Variants in STAG1 observed in about 807,000 individuals in gnomAD.
STAG1 encodes cohesin subunit SA-1.
STAG1 carries 26 observed loss-of-function variants against 170.9 expected under a neutral mutation model. That is an observed-to-expected ratio of 0.15 (90% CI 0.11 to 0.21). STAG1 has a LOEUF of 0.21. Ranked by LOEUF, STAG1 falls within the 10% of genes least tolerant of loss-of-function variation. The pLI is 1.00. For synonymous variants in STAG1, 514 were observed against 497.7 expected (o/e 1.03, Z -0.44); for missense variants, 964 against 1,509.5 (o/e 0.64, Z 5.99).
chr3:136,435,446 T>A (rs2088431659), intron 15 of STAG1, among the ~76,000 whole-genome samples: 1 of 152,194 alleles, frequency 6.6e-6, no homozygotes, highest in South Asian at 2.1e-4. Context: ...CTTTTCAGCA[T>A]AAGCTTAGAA....
chr3:136,361,246 A>T (rs886371021), intron 26 of STAG1, among the ~76,000 whole-genome samples: 5 of 152,160 alleles, frequency 3.3e-5, no homozygotes, highest in Admixed American at 6.5e-5. Context: ...TTGTCCTGAA[A>T]CTTGCTATTT....
chr3:136,742,212 C>T (rs1206556593), intron 1 of STAG1, among the ~76,000 whole-genome samples: 2 of 152,126 alleles, frequency 1.3e-5, no homozygotes, highest in Non-Finnish European at 2.9e-5. Context: ...ACACCTTAAC[C>T]TAATTGATAG....
intron 29 of STAG1, 29 bp from the exon 30 acceptor site, chr3:136,344,035 T>C: frequency 6.6e-7 from 1 of 1,511,904 alleles, no homozygotes; most frequent in Non-Finnish European, 8.9e-7. Flanking sequence ...GGTCACACAA[T>C]GTCGTGGGTG....
intron 23 of STAG1, among the ~76,000 whole-genome samples, chr3:136,370,361 T>A (rs1475626950): frequency 6.6e-6 from 1 of 152,008 alleles, no homozygotes; most frequent in Non-Finnish European, 1.5e-5. Context: ...TTAATTTTAT[T>A]ATTATATTAT....
At chr3:136,664,897 T>A (rs1419532498) in intron 1 of STAG1, among the ~76,000 whole-genome samples, 2 of 152,198 alleles carry the variant, frequency 1.3e-5, no homozygotes, top group Admixed American at 1.3e-4. Context: ...GAAAAGATAT[T>A]TTTTTAAAAA....
chr3:136,660,814 A>T (rs542483419), intron 1 of STAG1, among the ~76,000 whole-genome samples: 80 of 152,176 alleles, frequency 5.3e-4, no homozygotes, highest in Admixed American at 4.1e-3. Context: ...AAAAAAAAAT[A>T]AAAAATTAGC....
chr3:136,345,455 G>GTTTTTTTTTTTTTTTTTTTTTTTTTTTT, intron 29 of STAG1, among the ~76,000 whole-genome samples: 1 of 99,276 alleles, frequency 1.0e-5, no homozygotes, highest in Non-Finnish European at 2.0e-5. Context: ...TTACCTAGTT[G>GTTTTTTTTTTTTTTTTTTTTTTTTTTTT]TTTTTTTTTT....
intron 1 of STAG1, among the ~76,000 whole-genome samples, chr3:136,723,566 T>C (rs1453915947): frequency 6.9e-6 from 1 of 144,450 alleles, no homozygotes; most frequent in Non-Finnish European, 1.5e-5. Flanking sequence ...GAAGTGGGGG[T>C]CAGCCCCCGC....
At chr3:136,430,643 A>G (rs1191216441) in intron 16 of STAG1, among the ~76,000 whole-genome samples, 8 of 139,026 alleles carry the variant, frequency 5.8e-5, no homozygotes, top group Admixed American at 1.5e-4. Flanking sequence ...AAAAAAAAAA[A>G]GCGAAAATAT....
At chr3:136,402,234 G>T (rs2087348955) in intron 21 of STAG1, among the ~76,000 whole-genome samples, 1 of 150,948 alleles carries the variant, frequency 6.6e-6, no homozygotes, top group African/African-American at 2.4e-5. Flanking sequence ...ATTTTTTTGG[G>T]GGGGACAGAG....
At chr3:136,719,064 A>T (rs1201616907) in intron 1 of STAG1, among the ~76,000 whole-genome samples, 1 of 152,228 alleles carries the variant, frequency 6.6e-6, no homozygotes, top group Non-Finnish European at 1.5e-5. Flanking sequence ...GCCAAAGAGG[A>T]ATGAAACATA....
intron 7 of STAG1, among the ~76,000 whole-genome samples, chr3:136,519,202 T>C (rs1224427277): frequency 6.6e-6 from 1 of 152,116 alleles, no homozygotes; most frequent in Non-Finnish European, 1.5e-5. Flanking sequence ...CGTATTTCTA[T>C]AATATAGCAC....
At chr3:136,402,724 G>A (rs2087363969) in intron 21 of STAG1, among the ~76,000 whole-genome samples, 1 of 150,756 alleles carries the variant, frequency 6.6e-6, no homozygotes, top group Non-Finnish European at 1.5e-5. Flanking sequence ...GCTACTTGGA[G>A]GCTGAGATAT....
chr3:136,582,162 C>CTA (rs1206908674), intron 4 of STAG1, among the ~76,000 whole-genome samples: 6 of 129,550 alleles, frequency 4.6e-5, no homozygotes, highest in Admixed American at 3.1e-4. Context: ...ATAGTTCCTG[C>CTA]TATAGGAAAA....
At chr3:136,384,634 A>T (rs2086817508) in intron 22 of STAG1, among the ~76,000 whole-genome samples, 1 of 151,994 alleles carries the variant, frequency 6.6e-6, no homozygotes, top group Non-Finnish European at 1.5e-5. Flanking sequence ...GCCAGACGTG[A>T]TGGCATACGC....
intron 4 of STAG1, among the ~76,000 whole-genome samples, chr3:136,573,815 C>CA (rs1194605398): frequency 5.3e-5 from 8 of 151,794 alleles, no homozygotes; most frequent in African/African-American, 1.9e-4. Context: ...TATTAAAATA[C>CA]AAAAAATTAG....
chr3:136,731,464 A>C (rs983571452), intron 1 of STAG1, among the ~76,000 whole-genome samples: 3 of 152,230 alleles, frequency 2.0e-5, no homozygotes, highest in Non-Finnish European at 4.4e-5. Flanking sequence ...TAGGCAGGGT[A>C]CCAATTCTAC....
chr3:136,653,802 G>C (rs974709425), intron 1 of STAG1, among the ~76,000 whole-genome samples: 3 of 152,164 alleles, frequency 2.0e-5, no homozygotes. Context: ...CCATGACCAA[G>C]TGGGATTTAT....
intron 25 of STAG1, among the ~76,000 whole-genome samples, chr3:136,364,607 T>C (rs1177546046): frequency 6.6e-6 from 1 of 152,196 alleles, no homozygotes; most frequent in Non-Finnish European, 1.5e-5. Flanking sequence ...CATCAACATG[T>C]CTATATTTTA....
Sources: gnomAD v4.1 joint callset for allele counts (sites outside exome capture counted in the v4.1 genomes callset) on GRCh38, gnomAD v4.1.1 for gene constraint, MANE v1.5 for transcripts, NCBI Gene and HGNC (gene_info 2026-07-23, HGNC 2026-07-21) for gene names.